The following HNMT variants were observed in gnomAD, a reference collection of about 807,000 sequenced individuals.
HNMT encodes the protein histamine N-methyltransferase.
A neutral mutation model predicts 32.1 loss-of-function variants in HNMT; 30 were observed. That is an observed-to-expected ratio of 0.93 (90% CI 0.70 to 1.27). The LOEUF is 1.27. Ranked by LOEUF, HNMT falls within the 50% of genes most tolerant of loss-of-function variation. The probability of loss-of-function intolerance (pLI) is 0.00; values close to 1 mark genes in which losing one functional copy is unlikely to be tolerated. For missense variants in HNMT, 327 were observed against 346.0 expected, an observed-to-expected ratio of 0.95 and a Z score of 0.43; for synonymous variants, 125 against 119.0, an observed-to-expected ratio of 1.05 and a Z score of -0.33.
At chr2:137,966,900 T>TTTCTTTGTTTCCTCGG (rs1233472657) in intron 1 of HNMT, among the ~76,000 whole-genome samples, 4 of 152,308 alleles carry the variant, frequency 2.6e-5, no homozygotes, top group Admixed American at 6.5e-5. Flanking sequence ...ATGCCTTTCT[T>TTTCTTTGTTTCCTCGG]TTCTTTGTTT....
At chr2:137,991,749 T>A (rs1680820316) in intron 2 of HNMT, 1 of 152,142 alleles carries the variant, frequency 6.6e-6, no homozygotes, top group Non-Finnish European at 1.5e-5. Context: ...TAGAAGTAGA[T>A]AATTGTATTA....
chr2:137,980,333 G>A (rs1013581338), intron 2 of HNMT, among the ~76,000 whole-genome samples: 8 of 152,082 alleles, frequency 5.3e-5, no homozygotes, highest in African/African-American at 1.9e-4. Flanking sequence ...CACCATGCCC[G>A]GTCCTGTAAC....
chr2:138,005,272 C>T (rs772269232), intron 5 of HNMT, 47 bp downstream of exon 5: 6 of 957,786 alleles, frequency 6.3e-6, no homozygotes, highest in East Asian at 2.4e-5. Flanking sequence ...CAATAATACA[C>T]GTATGCATGG....
chr2:137,994,261 G>C (rs1473186593), intron 2 of HNMT, among the ~76,000 whole-genome samples: 1 of 152,196 alleles, frequency 6.6e-6, no homozygotes. Flanking sequence ...TCACCCATCA[G>C]TGTGCTGTAT....
At chr2:137,989,396 T>A (rs1395249485) in intron 2 of HNMT, among the ~76,000 whole-genome samples, 4 of 152,246 alleles carry the variant, frequency 2.6e-5, no homozygotes, top group Admixed American at 2.0e-4. Flanking sequence ...TGTCTTTTCA[T>A]GGCTTAGTAA....
intron 2 of HNMT, among the ~76,000 whole-genome samples, chr2:137,999,533 T>A (rs1168250348): frequency 6.6e-6 from 1 of 152,188 alleles, no homozygotes; most frequent in East Asian, 1.9e-4. Flanking sequence ...CTCATCTCTT[T>A]CCTTCCAGAC....
rs761772276 is a variant in HNMT at position 138,002,057 on chromosome 2, A to G, written c.299-7A>G. 4.5e-6 allele frequency: 7 copies of G among 1,553,072 alleles called. No homozygotes were observed. Among genetic ancestry groups the G allele is most frequent in the Non-Finnish European group, 6.1e-6 (7 of 1,154,068 alleles). Reference sequence around the variant, plus strand: ...TGATGGTGTGTCACCTCTTCTCTGTATTTTAGAGCTTGTAGCCAAGACATC... The same window carrying G: ...TGATGGTGTGTCACCTCTTCTCTGTGTTTTAGAGCTTGTAGCCAAGACATC... On this transcript the variant is annotated splice_polypyrimidine_tract_variant and splice_region_variant and intron_variant, in intron 3 of 5. Coordinates refer to ENST00000280097, the MANE Select transcript of HNMT (RefSeq NM_006895.3).
At chr2:137,982,781 G>C (rs1680541128) in intron 2 of HNMT, among the ~76,000 whole-genome samples, 1 of 152,174 alleles carries the variant, frequency 6.6e-6, no homozygotes. Context: ...TTTATATGCT[G>C]TAATAACATA....
chr2:137,975,972 G>GT (rs941561154), intron 2 of HNMT, among the ~76,000 whole-genome samples: 17 of 152,168 alleles, frequency 1.1e-4, no homozygotes, highest in African/African-American at 4.1e-4. Flanking sequence ...TTGGCTCAGT[G>GT]TAAGAGCCTG....
intron 4 of HNMT, among the ~76,000 whole-genome samples, chr2:138,003,380 A>G (rs1681240946): frequency 6.6e-6 from 1 of 152,100 alleles, no homozygotes; most frequent in Admixed American, 6.6e-5. Context: ...TATTTTGGCA[A>G]TACCACTTGA....
At chr2:137,993,868 A>T (rs1247243581) in intron 2 of HNMT, among the ~76,000 whole-genome samples, 2 of 152,196 alleles carry the variant, frequency 1.3e-5, no homozygotes, top group Non-Finnish European at 2.9e-5. Flanking sequence ...CCAATATTCA[A>T]CATTCTTAAA....
At chr2:137,967,507 T>A (rs1679996417) in intron 1 of HNMT, 1 of 171,242 alleles carries the variant, frequency 5.8e-6, no homozygotes, top group African/African-American at 2.4e-5. Context: ...TTTGAACTTT[T>A]TAGAATCTTC....
intron 4 of HNMT, chr2:138,002,489 C>A: frequency 2.1e-6 from 1 of 487,374 alleles, no homozygotes; most frequent in Non-Finnish European, 2.7e-6. Context: ...GCTGTGTCAT[C>A]CAGGCTGGAG....
chr2:137,997,888 G>A (rs930206951), intron 2 of HNMT, among the ~76,000 whole-genome samples: 4 of 152,086 alleles, frequency 2.6e-5, no homozygotes, highest in African/African-American at 4.8e-5. Flanking sequence ...GATGATGCTG[G>A]GAGCCATCAT....
rs200216104 is a variant in HNMT at position 137,970,222 on chromosome 2, G to C, written c.190+5G>C. On this transcript the variant is annotated splice_donor_5th_base_variant and intron_variant, in intron 2 of 5. Coordinates refer to ENST00000280097, the MANE Select transcript of HNMT (RefSeq NM_006895.3). ...TAAGCATAGGCGGAGGTGCAGGTAT[G>C]AGTAATATATTTTTAAAGTTCATAT... The C allele has an allele frequency of 1.7e-5, 26 of 1,502,746 alleles. No homozygotes were observed. Among genetic ancestry groups the C allele is most frequent in the Non-Finnish European group, 2.4e-5 (26 of 1,091,218 alleles). The allele number at this position is 1,502,746 out of a possible 1,614,324, so 93.1% of individuals were successfully genotyped here. A position where few individuals can be genotyped will look rare whatever the true frequency, so the allele number is the denominator to read the frequency against.
chr2:138,000,951 A>G lies in HNMT; in HGVS notation c.224A>G (p.Gln75Arg). ...GATCTTCAAATTCTCTCCAAAGTTC[A>G]GGCTCAATACCCAGGAGTTTGTATC... ...EIDLQILSKV[Q>R]AQYPGVCINN... The change falls in exon 3 of 6, where the codon CAG (glutamine) becomes CGG (arginine). Residue 75 changes from glutamine (Q) to arginine (R), a missense_variant. Gln to Arg is a conservative substitution (Grantham distance 43). Coordinates refer to ENST00000280097, the MANE Select transcript of HNMT (RefSeq NM_006895.3). The G allele has an allele frequency of 6.8e-6, 11 of 1,607,690 alleles. No homozygotes were observed. Among genetic ancestry groups the G allele is most frequent in the Non-Finnish European group, 9.3e-6 (11 of 1,176,826 alleles).
chr2:137,981,258 C>A (rs1235647611), intron 2 of HNMT: 6 of 1,613,324 alleles, frequency 3.7e-6, no homozygotes, highest in Non-Finnish European at 4.2e-6. Context: ...AAGCGGAATT[C>A]GTGTTTCATT....
intron 1 of HNMT, among the ~76,000 whole-genome samples, chr2:137,965,495 G>A (rs1447513201): frequency 2.0e-5 from 3 of 151,930 alleles, no homozygotes; most frequent in African/African-American, 7.3e-5. Context: ...CTTTCACCAG[G>A]GCAGTACCTA....
chr2:138,008,879 T>C (rs1681411682), intron 5 of HNMT, among the ~76,000 whole-genome samples: 1 of 151,896 alleles, frequency 6.6e-6, no homozygotes, highest in Admixed American at 6.6e-5. Flanking sequence ...ACAAAGACAC[T>C]AAAATCAATA....
Sources: gnomAD v4.1 joint callset for allele counts (sites outside exome capture counted in the v4.1 genomes callset) on GRCh38, gnomAD v4.1.1 for gene constraint, MANE v1.5 for transcripts, NCBI Gene and HGNC (gene_info 2026-07-23, HGNC 2026-07-21) for gene names.